Variants in LSM4 observed in about 807,000 individuals in gnomAD.
LSM4 encodes the protein U6 snRNA-associated Sm-like protein LSm4.
Under a neutral mutation model 22.3 loss-of-function variants are expected in LSM4, and 15 were observed. That is an observed-to-expected ratio of 0.67 (90% CI 0.45 to 1.03). The LOEUF is 1.03. LSM4 is among the 50% of genes least tolerant of loss of function. The pLI is 0.00. For missense variants in LSM4, 127 were observed against 198.0 expected (o/e 0.64, Z 2.15); for synonymous variants, 90 against 79.8 (o/e 1.13, Z -0.68).
chr19:18,309,910 C>T, intron 3 of LSM4, 49 bp from the exon 4 acceptor site: 1 of 1,589,014 alleles, frequency 6.3e-7, no homozygotes, highest in Non-Finnish European at 8.6e-7. Context: ...GCCGTCTGGC[C>T]CAGCCCTGGG....
intron 4 of LSM4, among the ~76,000 whole-genome samples, chr19:18,308,355 A>G (rs1033902519): frequency 2.0e-5 from 3 of 152,156 alleles, no homozygotes; most frequent in African/African-American, 7.2e-5. Context: ...CCCAACATTG[A>G]TCCCTCCCTC....
chr19:18,314,286 C>T (rs543341489), intron 2 of LSM4, among the ~76,000 whole-genome samples: 6 of 151,668 alleles, frequency 4.0e-5, no homozygotes, highest in Admixed American at 2.0e-4. Context: ...TTTGGGAGGC[C>T]GAGGCGGGCG....
chr19:18,312,286 G>A (rs572529443), intron 3 of LSM4: 41 of 304,354 alleles, frequency 1.3e-4, no homozygotes, highest in Middle Eastern at 1.1e-3. Context: ...AGCAGAGTCC[G>A]GGAGTCTTGG....
At position 18,306,512 on chromosome 19, in the gene LSM4, T is replaced by C. The variant is rs1170797187; in HGVS notation, c.*952A>G. ...CATGAGCATCTTCCGAGGGGATTCCTGTCCTGTCTTCTCTGTGTGAACGCC... is the reference window on the plus strand; with the variant it reads ...CATGAGCATCTTCCGAGGGGATTCCCGTCCTGTCTTCTCTGTGTGAACGCC... On this transcript the variant is annotated 3_prime_UTR_variant, in exon 5 of 5. Coordinates refer to ENST00000593829, the MANE Select transcript of LSM4 (RefSeq NM_012321.5). 2.6e-5 allele frequency: 4 copies of C among 152,254 alleles called. No individual in the cohort carries two copies. The highest frequency in any genetic ancestry group is 7.2e-5 in the African/African-American group (3 of 41,462). The allele number at this position is 152,254 out of a possible 1,614,324, so 9.4% of individuals were successfully genotyped here. A position where few individuals can be genotyped will look rare whatever the true frequency, so the allele number is the denominator to read the frequency against.
In LSM4 at chr19:18,307,273, T is replaced by C. The variant is rs913710181; in HGVS notation, c.*191A>G. 2.2e-6 allele frequency: 1 copy of C among 449,512 alleles called. No homozygotes were observed. The highest frequency in any genetic ancestry group is 2.0e-5 in the African/African-American group (1 of 49,162). 27.8% of individuals were successfully genotyped at this position (449,512 alleles called of 1,614,324 possible). ...TTTCACAAAACCAAAAAACACCAAG[T>C]AACATTTCTAACCGGAGAATTGCCG... On this transcript the variant is annotated 3_prime_UTR_variant, in exon 5 of 5. Coordinates refer to ENST00000593829, the MANE Select transcript of LSM4 (RefSeq NM_012321.5).
At chr19:18,314,001 C>T (rs1208292423) in intron 2 of LSM4, among the ~76,000 whole-genome samples, 4 of 151,760 alleles carry the variant, frequency 2.6e-5, no homozygotes, top group East Asian at 3.9e-4. Context: ...TTAGTAGAGA[C>T]GGGGATTTCA....
intron 2 of LSM4, 88 bp downstream of exon 2, chr19:18,315,935 CA>C: frequency 8.3e-7 from 1 of 1,211,282 alleles, no homozygotes; most frequent in Non-Finnish European, 1.2e-6. Flanking sequence ...GGTGGACAGG[CA>C]GGCCAGGAAG....
At chr19:18,313,150 C>T (rs1568298171) in intron 2 of LSM4, among the ~76,000 whole-genome samples, 11 of 152,206 alleles carry the variant, frequency 7.2e-5, no homozygotes. Flanking sequence ...ACCCAGGAGG[C>T]GGAGGTTGCA....
intron 3 of LSM4, among the ~76,000 whole-genome samples, chr19:18,311,368 C>T (rs1568297618): frequency 6.6e-6 from 1 of 152,194 alleles, no homozygotes; most frequent in Non-Finnish European, 1.5e-5. Context: ...CTCCCAGCCA[C>T]ATGTGACGGC....
rs1198309337 is a variant in LSM4 at position 18,312,660 on chromosome 19, C to A, written c.88G>T (p.Val30Leu). 1 of 1,613,992 alleles carries A rather than the reference C, an allele frequency of 6.2e-7. No individual in the cohort carries two copies. The highest frequency in any genetic ancestry group is 2.2e-5 in the East Asian group (1 of 44,852). Residue 30 changes from valine (V) to leucine (L), a missense_variant, in exon 3 of 5, where the codon GTG (valine) becomes TTG (leucine). Val to Leu is a conservative substitution (Grantham distance 32). Coordinates refer to ENST00000593829, the MANE Select transcript of LSM4 (RefSeq NM_012321.5). The stretch of plus-strand genomic sequence containing the variant: ...ATGTTCATCCAGTTGTCGCAGCTCA[C>A]CAGGTGTCCATTGTACGTCTCCCCA... ...KNGETYNGHLVSCDNWMNINL... is the reference protein window; with the variant it reads ...KNGETYNGHLLSCDNWMNINL...
rs779385091 is a variant in LSM4 at position 18,323,027 on chromosome 19, G to A, written c.-7C>T. 3.9e-6 allele frequency: 6 copies of A among 1,558,376 alleles called. No individual in the cohort carries two copies. In the East Asian group the frequency reaches 7.6e-5, roughly 20 times the overall value. ...GTTGCCCTGCCCTCACCATGGTGCC[G>A]GCGGGGACCGGGCTCGCCGGCCACT... On this transcript the variant is annotated 5_prime_UTR_variant, in exon 1 of 5. Transcript: ENST00000593829.
At chr19:18,309,440 TG>T in intron 4 of LSM4, 1 of 537,258 alleles carries the variant, frequency 1.9e-6, no homozygotes. Context: ...AACTGAGGCT[TG>T]GGGAGGTGAC....
chr19:18,310,178 G>A (rs1970283556), intron 3 of LSM4: 5 of 367,438 alleles, frequency 1.4e-5, no homozygotes, highest in African/African-American at 8.6e-5. Context: ...GCTCCCTCCA[G>A]CCTGGGATGG....
intron 2 of LSM4, 133 bp downstream of exon 2, chr19:18,315,891 C>T: frequency 1.3e-6 from 1 of 742,976 alleles, no homozygotes; most frequent in South Asian, 1.6e-5. Flanking sequence ...TGTGGACACT[C>T]CTGGGGAGGG....
intron 2 of LSM4, among the ~76,000 whole-genome samples, chr19:18,315,256 C>T (rs534175267): frequency 6.6e-6 from 1 of 152,192 alleles, no homozygotes; most frequent in East Asian, 1.9e-4. Flanking sequence ...CTCAGGTGAT[C>T]CTCCTGCCTT....
intron 3 of LSM4, among the ~76,000 whole-genome samples, chr19:18,310,590 G>A (rs527305119): frequency 1.6e-4 from 24 of 152,172 alleles, no homozygotes; most frequent in Non-Finnish European, 3.5e-4. Flanking sequence ...GACAGATCGA[G>A]GGATTAGCAG....
At chr19:18,318,720 G>T (rs1159050911) in intron 1 of LSM4, among the ~76,000 whole-genome samples, 1 of 152,220 alleles carries the variant, frequency 6.6e-6, no homozygotes, top group Non-Finnish European at 1.5e-5. Context: ...CAGAGGAGGC[G>T]CCAGCGCCCA....
chr19:18,316,064 A>G lies in LSM4; in HGVS notation c.5T>C (p.Leu2Pro). Reference protein sequence around the residue: MLPLSLLKTAQN... With the variant: MPPLSLLKTAQN... ...AGCCGTCTTCAGCAGTGACAAGGGA[A>G]GCTGAAAGGCAAATAAAGCCACATG... The change falls in exon 2 of 5, where the codon CTT becomes CCT. Residue 2 changes from leucine to proline, a missense_variant and splice_region_variant. Coordinates refer to ENST00000593829, the MANE Select transcript of LSM4 (RefSeq NM_012321.5). The G allele has an allele frequency of 6.2e-7, 1 of 1,613,532 alleles. No individual in the cohort carries two copies. The highest frequency in any genetic ancestry group is 8.5e-7 in the Non-Finnish European group (1 of 1,179,624).
chr19:18,309,925 C>T (rs187761797), intron 3 of LSM4, 64 bp from the exon 4 acceptor site: 47 of 1,533,306 alleles, frequency 3.1e-5, no homozygotes, highest in Admixed American at 1.4e-4. Flanking sequence ...CCTGGGAGCG[C>T]GGGAGGCCCT....
Sources: gnomAD v4.1 joint callset for allele counts (sites outside exome capture counted in the v4.1 genomes callset) on GRCh38, gnomAD v4.1.1 for gene constraint, MANE v1.5 for transcripts, NCBI Gene and HGNC (gene_info 2026-07-23, HGNC 2026-07-21) for gene names.